Variants in SPTAN1 observed in about 807,000 individuals in gnomAD.
SPTAN1 encodes the protein spectrin alpha chain, non-erythrocytic 1.
SPTAN1 carries 61 observed loss-of-function variants against 331.3 expected under a neutral mutation model. The ratio of observed to expected loss-of-function variants is 0.18; its 90% CI spans 0.15 to 0.23. The LOEUF is 0.23. Among genes scored for constraint, SPTAN1 ranks in the 10% least tolerant of loss-of-function variants. The pLI, the probability that SPTAN1 is intolerant of heterozygous loss-of-function variation, is 1.00. For missense variants in SPTAN1, 2,043 were observed against 3,147.9 expected (o/e 0.65, Z 8.40); for synonymous variants, 1,153 against 1,173.9 (o/e 0.98, Z 0.36).
rs1852315682 is a variant in SPTAN1, at chr9:128,584,405, A to T, written c.2317A>T (p.Met773Leu). Residue 773 changes from methionine to leucine, a missense_variant, in exon 17 of 57, where the codon ATG (methionine) becomes TTG (leucine). Met to Leu is a conservative substitution (Grantham distance 15, BLOSUM62 2). Coordinates refer to ENST00000372739, the MANE Select transcript of SPTAN1 (RefSeq NM_001130438.3). ...TCGCTATGAGGCACTCAAGGAGCCC[A>T]TGGTTGCCCGGAAGCAGAAGCTGGC... ...VARYEALKEPMVARKQKLADS... is the reference protein window; with the variant it reads ...VARYEALKEPLVARKQKLADS... 2.5e-6 allele frequency: 4 copies of T among 1,614,182 alleles called. No individual in the cohort carries two copies. Among genetic ancestry groups the T allele is most frequent in the Middle Eastern group, 1.6e-4 (1 of 6,062 alleles).
Position 128,609,260 on chromosome 9 carries a change from G to A in SPTAN1, c.4734G>A (p.Ser1578=), listed in dbSNP as rs370640807. ...SEKLQTASDE[S]YKDPTNIQLS... ...AATTGCAAACAGCGAGTGATGAGTC[G>A]TACAAGGATCCCACCAACATCCAGG... The change falls in exon 36 of 57, where the codon TCG becomes TCA. Residue 1578 remains serine (S), a synonymous_variant. Transcript: ENST00000372739. 1.1e-4 allele frequency: 181 copies of A among 1,614,098 alleles called. No homozygotes were observed. Among genetic ancestry groups the A allele is most frequent in the Non-Finnish European group, 1.4e-4 (170 of 1,180,052 alleles).
chr9:128,582,992 C>G lies in SPTAN1; in HGVS notation c.1807-85C>G. The G allele has an allele frequency of 1.9e-6, 3 of 1,562,534 alleles. No individual in the cohort carries two copies. In the South Asian group the frequency reaches 3.4e-5, roughly 17 times the overall value. ...TAAGCCAACTGTTTTATACATTCCT[C>G]CATAAAGATAAGTATGAAGGTAGTG... On this transcript the variant is annotated intron_variant, in intron 14 of 56. Coordinates refer to ENST00000372739, the MANE Select transcript of SPTAN1 (RefSeq NM_001130438.3).
At position 128,613,455 on chromosome 9, in the gene SPTAN1, A is replaced by G. The variant is rs1191445595; in HGVS notation, c.5118A>G (p.Gln1706=). ...TGAACAACCTGCTGAAAAAGCATCA[A>G]CTGCTGGAAGCAGATATATCTGCCC... ...ASVNNLLKKH[Q]LLEADISAHE... The change falls in exon 40 of 57, where the codon CAA becomes CAG. Residue 1706 remains glutamine (Q), a synonymous_variant. Coordinates refer to ENST00000372739, the MANE Select transcript of SPTAN1 (RefSeq NM_001130438.3). 6.2e-7 allele frequency: 1 copy of G among 1,614,202 alleles called. No homozygotes were observed. Among genetic ancestry groups the G allele is most frequent in the East Asian group, 2.2e-5 (1 of 44,878 alleles).
At chr9:128,567,823 C>T (rs745995736) in intron 2 of SPTAN1, among the ~76,000 whole-genome samples, 3 of 151,486 alleles carry the variant, frequency 2.0e-5, no homozygotes, top group Non-Finnish European at 4.4e-5. Flanking sequence ...TGCAATGGTG[C>T]AATCTCAGCT....
chr9:128,624,509 C>T (rs766111201), intron 46 of SPTAN1, 22 bp downstream of exon 46: 10 of 1,611,748 alleles, frequency 6.2e-6, no homozygotes, highest in Middle Eastern at 2.0e-4. Flanking sequence ...CAGCAAGGCC[C>T]GGAAGAGCCT....
Position 128,608,906 on chromosome 9 carries a change from C to T in SPTAN1, c.4524C>T (p.Ala1508=), listed in dbSNP as rs371100708. 1.2e-5 allele frequency: 20 copies of T among 1,614,058 alleles called. No individual in the cohort carries two copies. Among genetic ancestry groups the T allele is most frequent in the Admixed American group, 8.3e-5 (5 of 60,004 alleles). Residue 1508 remains alanine (A), a synonymous_variant, in exon 35 of 57, where the codon GCC becomes GCT. Coordinates refer to ENST00000372739, the MANE Select transcript of SPTAN1 (RefSeq NM_001130438.3). ...EEKIAALQAF[A]DQLIAAGHYA... is the part of the protein sequence containing the mutation. Reference sequence around the variant, plus strand: ...AGATTGCTGCTCTGCAGGCCTTTGCCGACCAGCTCATCGCTGCCGGCCATT... The same window carrying T: ...AGATTGCTGCTCTGCAGGCCTTTGCTGACCAGCTCATCGCTGCCGGCCATT...
intron 39 of SPTAN1, 40 bp downstream of exon 39, chr9:128,612,286 T>C (rs1282900006): frequency 1.2e-6 from 2 of 1,613,954 alleles, no homozygotes; most frequent in Admixed American, 3.3e-5. Flanking sequence ...GTGGGGGATT[T>C]CTAGTCATTT....
intron 21 of SPTAN1, among the ~76,000 whole-genome samples, chr9:128,591,186 C>T (rs758477426): frequency 3.9e-5 from 6 of 151,980 alleles, no homozygotes; most frequent in Non-Finnish European, 5.9e-5. Context: ...ATCAGCCTCC[C>T]GAGTAGCTGG....
At chr9:128,606,793 TC>T (rs1460086152) in intron 31 of SPTAN1, among the ~76,000 whole-genome samples, 2 of 151,902 alleles carry the variant, frequency 1.3e-5, no homozygotes, top group Non-Finnish European at 2.9e-5. Context: ...GTTGTCTTTT[TC>T]TTCTTTTTAT....
chr9:128,624,668 GC>G, intron 46 of SPTAN1, 181 bp downstream of exon 46: 1 of 743,228 alleles, frequency 1.3e-6, no homozygotes, highest in Non-Finnish European at 2.2e-6. Flanking sequence ...GGCCAGAACT[GC>G]CACCCGGAAC....
chr9:128,618,778 C>T (rs899953214), intron 43 of SPTAN1, 93 bp from the exon 44 acceptor site: 1 of 1,595,494 alleles, frequency 6.3e-7, no homozygotes, highest in South Asian at 1.1e-5. Context: ...CCACCATGCC[C>T]AGCTTTTGTG....
In SPTAN1 at chr9:128,598,613, G is replaced by T. The variant is rs1016052053; in HGVS notation, c.3519+109G>T. The T allele has an allele frequency of 7.0e-6, 7 of 998,568 alleles. No homozygotes were observed. In the African/African-American group the frequency reaches 1.1e-4, roughly 16 times the overall value. 61.9% of individuals were successfully genotyped at this position (998,568 alleles called of 1,614,324 possible). ...CAGTGTTTCATAACACAGAACTGTG[G>T]CTTGGCTGTAGGTCAGGTCCTCTAT... On this transcript the variant is annotated intron_variant, in intron 25 of 56. Coordinates refer to ENST00000372739, the MANE Select transcript of SPTAN1 (RefSeq NM_001130438.3).
chr9:128,626,307 G>T, intron 48 of SPTAN1, 84 bp from the exon 49 acceptor site: 1 of 1,541,044 alleles, frequency 6.5e-7, no homozygotes, highest in South Asian at 1.1e-5. Flanking sequence ...TGATTCCCAG[G>T]AACCACCCCG....
intron 31 of SPTAN1, among the ~76,000 whole-genome samples, chr9:128,606,487 A>AT (rs200725239): frequency 8.0e-4 from 6 of 7,510 alleles, no homozygotes; most frequent in Admixed American, 1.8e-3. Context: ...ATATATATAT[A>AT]TTTTTTTTTT....
chr9:128,609,670 GT>G lies in SPTAN1; in HGVS notation c.4773+10del. 6.6e-7 allele frequency: 1 copy of G among 1,514,432 alleles called. No individual in the cohort carries two copies. The highest frequency in any genetic ancestry group is 2.4e-5 in the East Asian group (1 of 41,422). The allele number at this position is 1,514,432 out of a possible 1,614,324, so 93.8% of individuals were successfully genotyped here. ...TTGTAGCTTTCCAAGCTGCTGGTAAGTTTTTAATTTTTTTAAGAGTTGTAGT... is the reference window on the plus strand; with the variant it reads ...TTGTAGCTTTCCAAGCTGCTGGTAAGTTTTAATTTTTTTAAGAGTTGTAGT... On this transcript the variant is annotated splice_donor_region_variant and intron_variant, in intron 37 of 56. Coordinates refer to ENST00000372739, the MANE Select transcript of SPTAN1 (RefSeq NM_001130438.3).
In SPTAN1 at chr9:128,598,954, T is replaced by G; in HGVS notation, c.3520-9T>G. 1 of 1,613,728 alleles carries G rather than the reference T, an allele frequency of 6.2e-7. No homozygotes were observed. The highest frequency in any genetic ancestry group is 8.5e-7 in the Non-Finnish European group (1 of 1,179,592). ...TAATAATAAAACTGGTTTCTCTCTC[T>G]CCTTGTAGGAAGTGTATGGCATGAT... is the stretch of plus-strand genomic sequence containing the variant. On this transcript the variant is annotated splice_polypyrimidine_tract_variant and intron_variant, in intron 25 of 56. Coordinates refer to ENST00000372739, the MANE Select transcript of SPTAN1 (RefSeq NM_001130438.3).
intron 1 of SPTAN1, among the ~76,000 whole-genome samples, chr9:128,555,177 C>A (rs1848491037): frequency 6.6e-6 from 1 of 152,174 alleles, no homozygotes; most frequent in African/African-American, 2.4e-5. Flanking sequence ...CATTTTAAAT[C>A]CCTTGTGGGA....
At chr9:128,630,630 G>A (rs1589408795) in intron 52 of SPTAN1, 5 of 445,902 alleles carry the variant, frequency 1.1e-5, no homozygotes, top group Non-Finnish European at 2.1e-5. Context: ...CCCAGGTCAA[G>A]CAATTCTCCT....
At chr9:128,622,679 C>T (rs1227180650) in intron 45 of SPTAN1, among the ~76,000 whole-genome samples, 1 of 152,102 alleles carries the variant, frequency 6.6e-6, no homozygotes, top group Non-Finnish European at 1.5e-5. Flanking sequence ...TTTTTATTTT[C>T]CCCCTTTCCA....
Sources: allele counts gnomAD v4.1 joint callset (sites outside exome capture counted in the v4.1 genomes callset), GRCh38; gene constraint gnomAD v4.1.1; transcripts MANE v1.5; gene names NCBI Gene and HGNC (gene_info 2026-07-23, HGNC 2026-07-21).